The following KIF20A variants were observed in gnomAD, a reference collection of about 807,000 sequenced individuals.
The protein encoded by KIF20A is kinesin-like protein KIF20A.
KIF20A carries 66 observed loss-of-function variants against 113.0 expected under a neutral mutation model. That is an observed-to-expected ratio of 0.58 (90% CI 0.48 to 0.72). The LOEUF (loss-of-function observed/expected upper bound fraction) is 0.72, where lower values mean the gene tolerates loss of function less well. Ranked by LOEUF, KIF20A falls within the 30% of genes least tolerant of loss-of-function variation. The probability of loss-of-function intolerance (pLI) is 0.00; values close to 1 mark genes in which losing one functional copy is unlikely to be tolerated. For missense variants in KIF20A, 927 were observed against 1,077.6 expected, an observed-to-expected ratio of 0.86 and a Z score of 1.96; for synonymous variants, 376 against 402.3, an observed-to-expected ratio of 0.93 and a Z score of 0.78.
intron 13 of KIF20A, 40 bp from the exon 14 acceptor site, chr5:138,184,767 A>G (rs920488404): frequency 1.9e-6 from 3 of 1,612,584 alleles, no homozygotes; most frequent in African/African-American, 2.7e-5. Context: ...TTCTGAGGGC[A>G]TGAGCATCTG....
rs114549959 is a variant in KIF20A, at chr5:138,184,860, G to A, written c.1737G>A (p.Gln579=). 2.5e-6 allele frequency: 4 copies of A among 1,614,200 alleles called. No individual in the cohort carries two copies. Among genetic ancestry groups the A allele is most frequent in the African/African-American group, 1.3e-5 (1 of 75,048 alleles). ...AGACACTGCTTTTGAAGGAACGACA[G>A]GAAAAGCTACAGCTGGAGATGCATC... ...AMKTLLLKER[Q]EKLQLEMHLR... is the part of the protein sequence containing the mutation. The change falls in exon 14 of 19, where the codon CAG becomes CAA. Residue 579 remains glutamine (Q), a synonymous_variant. Transcript: ENST00000394894.
intron 17 of KIF20A, 37 bp downstream of exon 17, chr5:138,186,089 C>T (rs1218040704): frequency 1.3e-6 from 2 of 1,585,010 alleles, no homozygotes; most frequent in Middle Eastern, 1.7e-4. Context: ...AAACTCTTAC[C>T]TAAGGCAATT....
chr5:138,187,119 G>C lies in KIF20A; in HGVS notation c.2379G>C (p.Gln793His). 1 of 1,611,090 alleles carries C rather than the reference G, an allele frequency of 6.2e-7. No homozygotes were observed. Among genetic ancestry groups the C allele is most frequent in the Non-Finnish European group, 8.5e-7 (1 of 1,177,562 alleles). Residue 793 changes from glutamine to histidine, a missense_variant, in exon 19 of 19, where the codon CAG (glutamine) becomes CAC (histidine). Physicochemically the swap from Gln to His is conservative, Grantham distance 24. Coordinates refer to ENST00000394894, the MANE Select transcript of KIF20A (RefSeq NM_005733.3). ...IKQDQTLAEL[Q>H]NNMVLVKLDL... ...AGGACCAGACTCTGGCTGAACTGCA[G>C]AACAACATGGTGCTAGTGAAACTGG...
intron 11 of KIF20A, 22 bp downstream of exon 11, chr5:138,184,127 CTG>C: frequency 6.2e-7 from 1 of 1,613,766 alleles, no homozygotes; most frequent in South Asian, 1.1e-5. Flanking sequence ...ACTATAATTC[CTG>C]GGCTCTGCAA....
chr5:138,182,735 A>G lies in KIF20A; in HGVS notation c.664A>G (p.Met222Val). The G allele has an allele frequency of 6.2e-7, 1 of 1,614,008 alleles. No individual in the cohort carries two copies. The highest frequency in any genetic ancestry group is 8.5e-7 in the Non-Finnish European group (1 of 1,180,036). ...CAGCAAGCAGATCCGACAGGAGGAA[A>G]TGAAGAAGCTGTCCCTGCTAAATGG... The part of the protein sequence containing the change: ...LDSKQIRQEE[M>V]KKLSLLNGGL... Residue 222 changes from methionine to valine, a missense_variant, in exon 6 of 19, where the codon ATG becomes GTG. By Grantham distance (21) the Met-to-Val change is conservative. Coordinates refer to ENST00000394894, the MANE Select transcript of KIF20A (RefSeq NM_005733.3).
intron 17 of KIF20A, 109 bp downstream of exon 17, chr5:138,186,161 C>G (rs978602432): frequency 3.4e-6 from 5 of 1,479,876 alleles, no homozygotes; most frequent in African/African-American, 1.4e-5. Context: ...GTGCACAGTT[C>G]TGGAGAGTGG....
At position 138,185,653 on chromosome 5, in the gene KIF20A, C is replaced by G; in HGVS notation, c.2068C>G (p.Gln690Glu). 6.2e-7 allele frequency: 1 copy of G among 1,614,172 alleles called. No homozygotes were observed. The highest frequency in any genetic ancestry group is 1.3e-5 in the African/African-American group (1 of 75,044). Residue 690 changes from glutamine (Q) to glutamate (E), a missense_variant, in exon 16 of 19, where the codon CAG becomes GAG. Transcript: ENST00000394894. Reference protein sequence around the residue: ...LAASASTQQLQEVKAKLQQCK... With the variant: ...LAASASTQQLEEVKAKLQQCK... ...AGCTTCTGCCTCCACCCAGCAGCTT[C>G]AGGAGGTTAAAGCTAAATTACAGCA...
Position 138,182,723 on chromosome 5 carries a change from C to A in KIF20A, c.652C>A (p.Arg218=), listed in dbSNP as rs779825089. The change falls in exon 6 of 19, where the codon CGA becomes AGA. Residue 218 remains arginine, a synonymous_variant. Transcript: ENST00000394894. ...EVIWLDSKQI[R]QEEMKKLSLL... Reference sequence around the variant, plus strand: ...AATCTGGCTAGACAGCAAGCAGATCCGACAGGAGGAAATGAAGAAGCTGTC... The same window carrying A: ...AATCTGGCTAGACAGCAAGCAGATCAGACAGGAGGAAATGAAGAAGCTGTC... The A allele has an allele frequency of 2.5e-6, 4 of 1,613,760 alleles. No individual in the cohort carries two copies. The South Asian group carries it at 4.4e-5, about 18-fold the overall frequency.
rs1411145589 is a variant in KIF20A, at chr5:138,187,027, C to G, written c.2356-69C>G. On this transcript the variant is annotated intron_variant, in intron 18 of 18. Coordinates refer to ENST00000394894, the MANE Select transcript of KIF20A (RefSeq NM_005733.3). ...ACTAGTAATGGATGGTATGTATTAC[C>G]CTTAGCCCTCTCGTTTCTCTAATAT... 6.8e-6 allele frequency: 8 copies of G among 1,184,018 alleles called. No individual in the cohort carries two copies. In the Admixed American group the frequency reaches 7.1e-5, roughly 10 times the overall value. 73.3% of individuals were successfully genotyped at this position (1,184,018 alleles called of 1,614,324 possible). A position where few individuals can be genotyped will look rare whatever the true frequency, so the allele number is the denominator to read the frequency against.
Position 138,185,742 on chromosome 5 carries a change from G to A in KIF20A, c.2125+32G>A, listed in dbSNP as rs868772552. On this transcript the variant is annotated intron_variant, in intron 16 of 18. Transcript: ENST00000394894. Reference sequence around the variant, plus strand: ...AAAGAGACAGGCAGGAAACATAACAGTGGTTCAGGGAAGAGCTGTTACTTA... The same window carrying A: ...AAAGAGACAGGCAGGAAACATAACAATGGTTCAGGGAAGAGCTGTTACTTA... The A allele has an allele frequency of 3.1e-6, 5 of 1,608,202 alleles. No individual in the cohort carries two copies. In the Middle Eastern group the frequency reaches 4.9e-4, roughly 159 times the overall value.
Position 138,182,943 on chromosome 5 carries a change from C to T in KIF20A, c.785C>T (p.Ala262Val), listed in dbSNP as rs1471185935. The T allele has an allele frequency of 4.3e-6, 7 of 1,614,058 alleles. No individual in the cohort carries two copies. The highest frequency in any genetic ancestry group is 4.2e-6 in the Non-Finnish European group (5 of 1,180,020). Residue 262 changes from alanine (A) to valine (V), a missense_variant, in exon 7 of 19, where the codon GCT becomes GTT. By Grantham distance (64) the Ala-to-Val change is moderately conservative (BLOSUM62 0). Coordinates refer to ENST00000394894, the MANE Select transcript of KIF20A (RefSeq NM_005733.3). ...GTSTSFDSGI[A>V]GLSSISQCTS... ...AGCACCAGCTTCGACAGTGGCATTG[C>T]TGGGCTCTCTTCTATCAGTCAGTGT... is the stretch of plus-strand genomic sequence containing the variant.
chr5:138,184,309 C>T lies in KIF20A; in HGVS notation c.1423C>T (p.Arg475Ter), dbSNP rs1286137484. ...TRVFQGFFTG[R>*]GRSCMIVNVN... ...AGTGTTCCAAGGTTTCTTCACAGGC[C>T]GAGGCCGTTCCTGCATGATTGTCAA... Residue 475 changes from arginine to a stop codon, truncating the protein, a stop_gained, in exon 12 of 19, where the codon CGA becomes TGA. Coordinates refer to ENST00000394894, the MANE Select transcript of KIF20A (RefSeq NM_005733.3). LOFTEE classifies it high-confidence loss of function. 6 of 1,614,040 alleles carry T rather than the reference C, an allele frequency of 3.7e-6. No individual in the cohort carries two copies. In the South Asian group the frequency reaches 4.4e-5, roughly 12 times the overall value.
Position 138,179,649 on chromosome 5 carries a change from T to C in KIF20A, c.-21-11T>C. 1 of 1,612,370 alleles carries C rather than the reference T, an allele frequency of 6.2e-7. No homozygotes were observed. On this transcript the variant is annotated splice_polypyrimidine_tract_variant and intron_variant, in intron 1 of 18. Transcript: ENST00000394894. ...GTTCTTCTCCCTGCCCACTTTTTGG[T>C]CTCTTTTTAGACCTAGGCTGCCCCT...
In KIF20A at chr5:138,182,585, G is replaced by A. The variant is rs1475527817; in HGVS notation, c.515-1G>A. ...GCTGTCCATCTTTCATATGCCTCCA[G>A]GTACCATCAAGGATGGAGGGATTCT... On this transcript the variant is annotated splice_acceptor_variant, in intron 5 of 18. Coordinates refer to ENST00000394894, the MANE Select transcript of KIF20A (RefSeq NM_005733.3). LOFTEE classifies it high-confidence loss of function. 1 of 1,614,164 alleles carries A rather than the reference G, an allele frequency of 6.2e-7. No individual in the cohort carries two copies. Among genetic ancestry groups the A allele is most frequent in the East Asian group, 2.2e-5 (1 of 44,890 alleles).
chr5:138,187,081 A>C lies in KIF20A; in HGVS notation c.2356-15A>C, dbSNP rs562148922. ...AGACAAAAGTGTTTTCTATAACTTT[A>C]TTGATCTTCCTTAGGACCAGACTCT... On this transcript the variant is annotated splice_polypyrimidine_tract_variant and intron_variant, in intron 18 of 18. Coordinates refer to ENST00000394894, the MANE Select transcript of KIF20A (RefSeq NM_005733.3). 4.4e-6 allele frequency: 7 copies of C among 1,585,246 alleles called. No homozygotes were observed. The African/African-American group carries it at 8.1e-5, about 18-fold the overall frequency.
In KIF20A at chr5:138,182,747, TC is replaced by T; in HGVS notation, c.679del (p.Leu227CysfsTer2). 1 of 1,613,830 alleles carries T rather than the reference TC, an allele frequency of 6.2e-7. No homozygotes were observed. The highest frequency in any genetic ancestry group is 8.5e-7 in the Non-Finnish European group (1 of 1,180,028). On this transcript the variant is annotated frameshift_variant, in exon 6 of 19. Coordinates refer to ENST00000394894, the MANE Select transcript of KIF20A (RefSeq NM_005733.3). LOFTEE classifies it high-confidence loss of function. ...CCGACAGGAGGAAATGAAGAAGCTG[TC>T]CCTGCTAAATGGAGGCCTCCAAGAG... Reference protein sequence around the residue: ...QIRQEEMKKLSLLNGGLQEEE... With the variant: ...QIRQEEMKKLXLLNGGLQEEE...
intron 1 of KIF20A, 182 bp from the exon 2 acceptor site, chr5:138,179,478 T>G (rs1754597511): frequency 1.8e-6 from 1 of 558,292 alleles, no homozygotes; most frequent in African/African-American, 1.9e-5. Flanking sequence ...CGCCTCAAAC[T>G]TCTCTCAATT....
Position 138,186,379 on chromosome 5 carries a change from C to T in KIF20A, c.2303C>T (p.Ala768Val). ...AGAGCTTGTTGCCACAGCACTGGGG[C>T]AGGAAAACTTCGTCAAGCCTTGACC... ...AERACCHSTG[A>V]GKLRQALTTC... The change falls in exon 18 of 19, where the codon GCA (alanine) becomes GTA (valine). Residue 768 changes from alanine to valine, a missense_variant. Ala to Val is a moderately conservative substitution (Grantham distance 64, BLOSUM62 0). Coordinates refer to ENST00000394894, the MANE Select transcript of KIF20A (RefSeq NM_005733.3). 1 of 1,610,186 alleles carries T rather than the reference C, an allele frequency of 6.2e-7. No individual in the cohort carries two copies. The highest frequency in any genetic ancestry group is 8.5e-7 in the Non-Finnish European group (1 of 1,179,198).
intron 2 of KIF20A, among the ~76,000 whole-genome samples, chr5:138,180,839 G>A (rs1754650406): frequency 6.6e-6 from 1 of 152,146 alleles, no homozygotes; most frequent in African/African-American, 2.4e-5. Context: ...ACCAAGCCCA[G>A]CTAATTTTTG....
Sources: gnomAD v4.1 joint callset for allele counts (sites outside exome capture counted in the v4.1 genomes callset) on GRCh38, gnomAD v4.1.1 for gene constraint, MANE v1.5 for transcripts, NCBI Gene and HGNC (gene_info 2026-07-23, HGNC 2026-07-21) for gene names.